FRMD6: variants seen among roughly 807,000 people sequenced by gnomAD.
The protein encoded by FRMD6 is FERM domain containing 6.
Under a neutral mutation model 73.2 loss-of-function variants are expected in FRMD6, and 37 were observed. That is an observed-to-expected ratio of 0.51 (90% CI 0.39 to 0.66). The LOEUF (loss-of-function observed/expected upper bound fraction) is 0.66, where lower values mean the gene tolerates loss of function less well. Among genes scored for constraint, FRMD6 ranks in the 30% least tolerant of loss-of-function variants. FRMD6 has a pLI of 0.00. For synonymous variants in FRMD6, 273 were observed against 282.2 expected (o/e 0.97, Z 0.33); for missense variants, 714 against 780.5 (o/e 0.91, Z 1.02).
At chr14:51,473,676 G>A in the FRMD6 span, among the ~76,000 whole-genome samples, 1 of 152,170 alleles carries the variant, frequency 6.6e-6, no homozygotes. Flanking sequence ...ATCTCAGGGA[G>A]TTTTCTGCCT....
intron 2 of FRMD6, among the ~76,000 whole-genome samples, chr14:51,591,827 C>T (rs1770470354): frequency 6.6e-6 from 1 of 152,216 alleles, no homozygotes; most frequent in Admixed American, 6.5e-5. Context: ...AGGTGTGAGC[C>T]ACCACATCCG....
At chr14:51,709,437 T>A (rs921561151) in intron 7 of FRMD6, among the ~76,000 whole-genome samples, 3 of 152,206 alleles carry the variant, frequency 2.0e-5, no homozygotes, top group Non-Finnish European at 4.4e-5. Context: ...TTGTTATCTC[T>A]ACTTTGCCTT....
intron 2 of FRMD6, among the ~76,000 whole-genome samples, chr14:51,607,038 T>C (rs531656759): frequency 3.0e-4 from 45 of 152,148 alleles, no homozygotes; most frequent in African/African-American, 9.6e-4. Flanking sequence ...CCCCAGTAGA[T>C]TGAATGATGC....
At chr14:51,690,709 A>C (rs562233906) in intron 2 of FRMD6, among the ~76,000 whole-genome samples, 3 of 152,090 alleles carry the variant, frequency 2.0e-5, no homozygotes, top group African/African-American at 7.2e-5. Context: ...ATGCATCTTG[A>C]TTTTATCTTA....
At chr14:51,671,959 A>T (rs1566551102) in intron 1 of FRMD6, among the ~76,000 whole-genome samples, 1 of 152,340 alleles carries the variant, frequency 6.6e-6, no homozygotes, top group South Asian at 2.1e-4. Flanking sequence ...TTTCCACTAG[A>T]TGGGTGGCAA....
the FRMD6 span, among the ~76,000 whole-genome samples, chr14:51,401,624 T>C: frequency 1.3e-5 from 2 of 152,248 alleles, no homozygotes; most frequent in Non-Finnish European, 2.9e-5. Flanking sequence ...TCAATTTCTC[T>C]GAAGACTTTT....
At chr14:51,562,393 C>T (rs1887532258) in intron 1 of FRMD6, among the ~76,000 whole-genome samples, 1 of 152,132 alleles carries the variant, frequency 6.6e-6, no homozygotes, top group South Asian at 2.1e-4. Flanking sequence ...GCATATTGCT[C>T]AGGCCACATG....
At chr14:51,715,932 G>T (rs145605820) in intron 10 of FRMD6, among the ~76,000 whole-genome samples, 52 of 152,270 alleles carry the variant, frequency 3.4e-4, no homozygotes, top group African/African-American at 1.1e-3. Flanking sequence ...ATTTCTTAGG[G>T]TTAGAGTGAC....
At chr14:51,663,410 A>G (rs12886658) in intron 1 of FRMD6, among the ~76,000 whole-genome samples, 19,672 of 152,296 alleles carry the variant, frequency 0.13, 1,394 homozygotes, top group Non-Finnish European at 0.15. Context: ...TGGTACATAT[A>G]TATCATGGAA....
chr14:51,653,972 C>T (rs954643363), intron 1 of FRMD6, among the ~76,000 whole-genome samples: 5 of 152,114 alleles, frequency 3.3e-5, no homozygotes, highest in African/African-American at 9.7e-5. Flanking sequence ...AATTTTCCCC[C>T]CTTTGAGTTG....
chr14:51,450,007 G>A, the FRMD6 span, among the ~76,000 whole-genome samples: 4 of 152,176 alleles, frequency 2.6e-5, no homozygotes, highest in African/African-American at 4.8e-5. Flanking sequence ...TCATAAAGCT[G>A]TTAACAGTTA....
chr14:51,543,063 C>A (rs2139382336), intron 1 of FRMD6, among the ~76,000 whole-genome samples: 1 of 151,954 alleles, frequency 6.6e-6, no homozygotes, highest in East Asian at 1.9e-4. Context: ...TGATAGTATC[C>A]TTTGATGAAC....
the FRMD6 span, among the ~76,000 whole-genome samples, chr14:51,444,233 G>A: frequency 6.6e-6 from 1 of 152,210 alleles, no homozygotes; most frequent in Admixed American, 6.5e-5. Flanking sequence ...CCAGCAGTGG[G>A]TTTTTATCTA....
chr14:51,606,432 G>A (rs1890259762), intron 2 of FRMD6, among the ~76,000 whole-genome samples: 1 of 152,050 alleles, frequency 6.6e-6, no homozygotes, highest in Non-Finnish European at 1.5e-5. Flanking sequence ...CACCCCTGCT[G>A]GGCACTCTGC....
chr14:51,692,883 G>A (rs1895699516), intron 2 of FRMD6: 1 of 152,112 alleles, frequency 6.6e-6, no homozygotes, highest in Admixed American at 6.6e-5. Context: ...GCAAGCATCT[G>A]CCCTAAATAG....
At chr14:51,584,093 A>G (rs534750333) in intron 2 of FRMD6, 5 of 152,360 alleles carry the variant, frequency 3.3e-5, no homozygotes, top group East Asian at 3.9e-4. Context: ...GAGAGCATCA[A>G]TGTCAACTCC....
intron 2 of FRMD6, among the ~76,000 whole-genome samples, chr14:51,638,114 T>C (rs1172929235): frequency 6.6e-6 from 1 of 152,124 alleles, no homozygotes; most frequent in African/African-American, 2.4e-5. Context: ...TGAACCCTTG[T>C]GTCTACAAAA....
chr14:51,556,664 C>T (rs1276421816), intron 1 of FRMD6, among the ~76,000 whole-genome samples: 1 of 152,158 alleles, frequency 6.6e-6, no homozygotes, highest in African/African-American at 2.4e-5. Context: ...GTTATTATGT[C>T]TAAACTTTCC....
intron 1 of FRMD6, among the ~76,000 whole-genome samples, chr14:51,505,896 T>C (rs943645039): frequency 3.9e-5 from 6 of 152,154 alleles, no homozygotes; most frequent in African/African-American, 7.2e-5. Flanking sequence ...TTTTTATTGG[T>C]CTTTCTCCCT....
Sources: gnomAD v4.1 joint callset for allele counts (sites outside exome capture counted in the v4.1 genomes callset) on GRCh38, gnomAD v4.1.1 for gene constraint, MANE v1.5 for transcripts, NCBI Gene and HGNC (gene_info 2026-07-23, HGNC 2026-07-21) for gene names.